RBPJ: variants seen among roughly 807,000 people sequenced by gnomAD.
RBPJ encodes recombination signal binding protein for immunoglobulin kappa J region.
RBPJ carries 9 observed loss-of-function variants against 67.8 expected under a neutral mutation model. The ratio of observed to expected loss-of-function variants is 0.13; its 90% CI spans 0.08 to 0.23. The LOEUF (loss-of-function observed/expected upper bound fraction) is 0.23. Ranked by LOEUF, RBPJ falls within the 10% of genes least tolerant of loss-of-function variation. The probability of loss-of-function intolerance (pLI) is 1.00; values close to 1 mark genes in which losing one functional copy is unlikely to be tolerated. For missense variants in RBPJ, 305 were observed against 595.6 expected, an observed-to-expected ratio of 0.51 and a Z score of 5.08; for synonymous variants, 198 against 203.3, an observed-to-expected ratio of 0.97 and a Z score of 0.22.
chr4:26,229,644 A>G (rs1261190535), intron 1 of RBPJ, among the ~76,000 whole-genome samples: 3 of 152,328 alleles, frequency 2.0e-5, no homozygotes, highest in Non-Finnish European at 4.4e-5. Context: ...TTTACATCCC[A>G]TCTCTGCCAC....
intron 1 of RBPJ, among the ~76,000 whole-genome samples, chr4:26,314,555 G>T (rs931102696): frequency 6.6e-6 from 1 of 152,228 alleles, no homozygotes; most frequent in African/African-American, 2.4e-5. Flanking sequence ...GATAGTGAGT[G>T]AGTTCTTGTG....
intron 1 of RBPJ, among the ~76,000 whole-genome samples, chr4:26,241,047 A>C (rs1719618731): frequency 6.6e-6 from 1 of 152,146 alleles, no homozygotes; most frequent in African/African-American, 2.4e-5. Context: ...TCTACAAAAA[A>C]TTAGCCAGGC....
chr4:26,156,327 C>T, the RBPJ span, among the ~76,000 whole-genome samples: 2 of 152,038 alleles, frequency 1.3e-5, no homozygotes, highest in East Asian at 3.9e-4. Context: ...AGGATTTATC[C>T]AGGCTTGTTT....
At chr4:26,234,110 A>G (rs1301846419) in intron 1 of RBPJ, among the ~76,000 whole-genome samples, 1 of 152,216 alleles carries the variant, frequency 6.6e-6, no homozygotes, top group African/African-American at 2.4e-5. Context: ...TTTAGATGTA[A>G]TGTTTATGGA....
intron 1 of RBPJ, among the ~76,000 whole-genome samples, chr4:26,282,906 G>C (rs1280199012): frequency 7.6e-6 from 1 of 131,762 alleles, no homozygotes; most frequent in Non-Finnish European, 1.6e-5. Context: ...CTGTCCCTTT[G>C]TGTTTTAAGT....
intron 2 of RBPJ, among the ~76,000 whole-genome samples, chr4:26,395,679 G>T (rs745405423): frequency 1.3e-5 from 2 of 152,064 alleles, no homozygotes; most frequent in East Asian, 3.8e-4. Flanking sequence ...GAAGCACCCC[G>T]AGCCATTCAC....
intron 1 of RBPJ, among the ~76,000 whole-genome samples, chr4:26,379,048 T>C (rs1477628537): frequency 6.6e-6 from 1 of 151,958 alleles, no homozygotes; most frequent in Non-Finnish European, 1.5e-5. Flanking sequence ...ATAAATAAAA[T>C]AAAATAAGAA....
intron 2 of RBPJ, among the ~76,000 whole-genome samples, chr4:26,394,197 T>C (rs778177338): frequency 2.0e-4 from 30 of 152,098 alleles, no homozygotes; most frequent in Non-Finnish European, 4.0e-4. Context: ...CGGCTAATTT[T>C]TTTGTATTTT....
chr4:26,320,243 T>C (rs970933593), upstream of RBPJ, among the ~76,000 whole-genome samples: 3 of 152,188 alleles, frequency 2.0e-5, no homozygotes, highest in Non-Finnish European at 4.4e-5. Flanking sequence ...CGCTCTGGCG[T>C]GTGTCTGCGA....
chr4:26,408,393 CTTTTT>C (rs943661971), intron 3 of RBPJ, among the ~76,000 whole-genome samples: 3 of 140,696 alleles, frequency 2.1e-5, no homozygotes, highest in African/African-American at 7.8e-5. Context: ...ATTAGTGGTC[CTTTTT>C]TTTTTTCCCA....
chr4:26,262,943 T>C (rs1720588246), intron 1 of RBPJ, among the ~76,000 whole-genome samples: 1 of 152,226 alleles, frequency 6.6e-6, no homozygotes, highest in East Asian at 1.9e-4. Flanking sequence ...ATGTTTCAGC[T>C]ACATGTCATC....
chr4:26,111,228 A>T, the RBPJ span, among the ~76,000 whole-genome samples: 3 of 151,916 alleles, frequency 2.0e-5, no homozygotes, highest in Non-Finnish European at 2.9e-5. Flanking sequence ...CTTCTCATTG[A>T]GAGTCTCAAA....
At chr4:26,165,323 A>G (rs1379692088) in intron 1 of RBPJ, among the ~76,000 whole-genome samples, 2 of 152,162 alleles carry the variant, frequency 1.3e-5, no homozygotes, top group Non-Finnish European at 2.9e-5. Flanking sequence ...GGTTCTTTAT[A>G]CCTTTCAAAG....
chr4:26,284,674 G>C (rs961118751), intron 1 of RBPJ, among the ~76,000 whole-genome samples: 3 of 151,858 alleles, frequency 2.0e-5, no homozygotes, highest in Admixed American at 6.6e-5. Context: ...TCGCCATGTC[G>C]GCCAGGCTGG....
intron 1 of RBPJ, among the ~76,000 whole-genome samples, chr4:26,217,580 T>C (rs1391690769): frequency 6.6e-6 from 1 of 152,212 alleles, no homozygotes; most frequent in Non-Finnish European, 1.5e-5. Context: ...GAGAAGCAGC[T>C]ACCCCAGGGT....
chr4:26,358,517 A>C (rs1260818387), intron 1 of RBPJ, among the ~76,000 whole-genome samples: 2 of 151,376 alleles, frequency 1.3e-5, no homozygotes, highest in Non-Finnish European at 2.9e-5. Context: ...CCTCATGCCT[A>C]TAAGCCCAGC....
intron 2 of RBPJ, 118 bp from the exon 3 acceptor site, chr4:26,406,057 A>G: frequency 1.7e-6 from 1 of 602,400 alleles, no homozygotes; most frequent in Non-Finnish European, 2.9e-6. Flanking sequence ...TTTGTTTTTA[A>G]GATTTGCTTA....
At chr4:26,392,385 T>A (rs531731659) in intron 2 of RBPJ, among the ~76,000 whole-genome samples, 126 of 152,326 alleles carry the variant, frequency 8.3e-4, no homozygotes, top group African/African-American at 2.8e-3. Context: ...TTAGCTTTAG[T>A]TGTAGTAGTC....
chr4:26,124,957 C>T, the RBPJ span, among the ~76,000 whole-genome samples: 3 of 152,132 alleles, frequency 2.0e-5, no homozygotes, highest in Admixed American at 2.0e-4. Context: ...GTCAGAGGCC[C>T]GGACACTTTC....
Sources: allele counts gnomAD v4.1 joint callset (sites outside exome capture counted in the v4.1 genomes callset), GRCh38; gene constraint gnomAD v4.1.1; transcripts MANE v1.5; gene names NCBI Gene and HGNC (gene_info 2026-07-23, HGNC 2026-07-21).